The following OFD1 variants were observed in gnomAD, a reference collection of about 807,000 sequenced individuals.
OFD1 encodes the protein centriole and centriolar satellite protein OFD1.
Under a neutral mutation model 81.4 loss-of-function variants are expected in OFD1, and 12 were observed. That is an observed-to-expected ratio of 0.15 (90% CI 0.09 to 0.24). The LOEUF (loss-of-function observed/expected upper bound fraction) is 0.24. Among genes scored for constraint, OFD1 ranks in the 10% least tolerant of loss-of-function variants. The probability of loss-of-function intolerance (pLI) is 1.00; values close to 1 mark genes in which losing one functional copy is unlikely to be tolerated. For missense variants in OFD1, 685 were observed against 733.9 expected (o/e 0.93, Z 0.77); for synonymous variants, 256 against 263.7 (o/e 0.97, Z 0.28).
chrX:13,766,031 G>A (rs2048112642), intron 19 of OFD1, among the ~76,000 whole-genome samples: 1 of 112,014 alleles, frequency 8.9e-6, no homozygotes, highest in African/African-American at 3.2e-5. Context: ...TGAATGTCAA[G>A]CAAGGAAGAT....
Position 13,747,413 on chromosome X carries a change from A to C in OFD1, c.828+460A>C, listed in dbSNP as rs140641349. Among the ~76,000 whole-genome samples the C allele has an allele frequency of 6.1e-3, 679 of 111,624 alleles. 6 individuals carry two copies. The highest frequency in any genetic ancestry group is 0.021 in the African/African-American group (647 of 30,663). On this transcript the variant is annotated intron_variant, in intron 8 of 22. Transcript: ENST00000340096. Reference sequence around the variant, plus strand: ...TGCTTGTAAGTGAGTTTTCTGTTCTAGTTCTGGGGAGGATTTGTAAGTATC... The same window carrying C: ...TGCTTGTAAGTGAGTTTTCTGTTCTCGTTCTGGGGAGGATTTGTAAGTATC...
chrX:13,746,109 A>G (rs1200826881), intron 6 of OFD1, among the ~76,000 whole-genome samples: 2 of 112,430 alleles, frequency 1.8e-5, no homozygotes, highest in East Asian at 5.5e-4. Flanking sequence ...CACCACCTAG[A>G]TGTCACTATT....
At chrX:13,771,467 G>C (rs2048297679), downstream of OFD1, 1 of 111,298 alleles carries the variant, frequency 9.0e-6, no homozygotes, top group African/African-American at 3.3e-5. Context: ...TATACTTGAT[G>C]TTCAATTTTA....
At position 13,769,154 on chromosome X, in the gene OFD1, C is replaced by A. The variant is rs1280404969; in HGVS notation, c.*46C>A. 3.0e-6 allele frequency: 3 copies of A among 993,447 alleles called. No homozygotes were observed. Among genetic ancestry groups the A allele is most frequent in the East Asian group, 3.0e-5 (1 of 32,978 alleles). 81.9% of individuals were successfully genotyped at this position (993,447 alleles called of 1,213,427 possible). A position where few individuals can be genotyped will look rare whatever the true frequency, so the allele number is the denominator to read the frequency against. ...CTAACTTACATACCGTGAGAAGTTA[C>A]GTAACATTTACTCCTTTGTAAATGT... is the stretch of plus-strand genomic sequence containing the variant. On this transcript the variant is annotated 3_prime_UTR_variant, in exon 23 of 23. Coordinates refer to ENST00000340096, the MANE Select transcript of OFD1 (RefSeq NM_003611.3).
At chrX:13,734,122 C>T (rs1305472134), upstream of OFD1, 1 of 510,964 alleles carries the variant, frequency 2.0e-6, no homozygotes, top group African/African-American at 2.3e-5. Context: ...ATCTTGCTTC[C>T]AAGAGGACAT....
At chrX:13,734,392 G>A (rs770631515), upstream of OFD1, 942 of 286,614 alleles carry the variant, frequency 3.3e-3, 2 homozygotes, top group Non-Finnish European at 4.6e-3. Context: ...GCCAGCGGAG[G>A]GCTGGCAGGT....
At chrX:13,769,856 T>A (rs1329461587), downstream of OFD1, among the ~76,000 whole-genome samples, 1 of 111,844 alleles carries the variant, frequency 8.9e-6, no homozygotes, top group Non-Finnish European at 1.9e-5. Context: ...AACCTGCCAG[T>A]GCCTTCCTTG....
chrX:13,771,105 TG>T (rs1307438302), downstream of OFD1: 1 of 112,650 alleles, frequency 8.9e-6, no homozygotes, highest in African/African-American at 3.2e-5. Context: ...TAGAAAATAT[TG>T]ATTCACTGTT....
upstream of OFD1, chrX:13,734,199 G>C (rs2046752824): frequency 2.1e-6 from 1 of 475,945 alleles, no homozygotes; most frequent in East Asian, 3.7e-5. Context: ...ACAAAATAGA[G>C]AGCAAGGATA....
At chrX:13,758,498 G>T (rs747211782) in intron 15 of OFD1, 50 bp downstream of exon 15, 12 of 686,598 alleles carry the variant, frequency 1.7e-5, no homozygotes, top group Non-Finnish European at 2.6e-5. Context: ...AAAGCTTCTG[G>T]TGTCTGTGAA....
At chrX:13,738,802 C>T (rs769243284) in intron 3 of OFD1, 44 bp from the exon 4 acceptor site, 9 of 750,609 alleles carry the variant, frequency 1.2e-5, no homozygotes, top group Non-Finnish European at 1.9e-5. Flanking sequence ...CATTTAAACA[C>T]TGATATAAAA....
Position 13,757,633 on chromosome X carries a change from A to ATT in OFD1, c.1412-12_1412-11dup, listed in dbSNP as rs36052228. The ATT allele has an allele frequency of 1.3e-4, 142 of 1,113,179 alleles. No homozygotes were observed. In the African/African-American group the frequency reaches 1.5e-3, roughly 12 times the overall value. The allele number at this position is 1,113,179 out of a possible 1,213,427, so 91.7% of individuals were successfully genotyped here. ...AAACTTAAGGTTGGTAATGACTAGG[A>ATT]TTTTTTTTTTTTTTTTACCTTCTTA... On this transcript the variant is annotated intron_variant, in intron 13 of 22. Coordinates refer to ENST00000340096, the MANE Select transcript of OFD1 (RefSeq NM_003611.3).
intron 7 of OFD1, 135 bp from the exon 8 acceptor site, chrX:13,746,645 A>ATTCACTCAAC: frequency 1.5e-6 from 1 of 673,066 alleles, no homozygotes. Flanking sequence ...AAATAGAGTG[A>ATTCACTCAAC]ATGAGATAAA....
At chrX:13,716,385 AAAAAG>A in the OFD1 span, 4 of 751,433 alleles carry the variant, frequency 5.3e-6, no homozygotes, top group South Asian at 1.1e-4. Context: ...TCCCCCCTAA[AAAAAG>A]AAAAGTAGCC....
the OFD1 span, among the ~76,000 whole-genome samples, chrX:13,725,388 A>G: frequency 8.9e-6 from 1 of 111,991 alleles, no homozygotes; most frequent in African/African-American, 3.2e-5. Flanking sequence ...CCCCTCTGGG[A>G]TGAAGCTTCC....
chrX:13,742,681 G>A (rs998657760), intron 5 of OFD1, among the ~76,000 whole-genome samples: 8 of 110,543 alleles, frequency 7.2e-5, no homozygotes, highest in African/African-American at 2.3e-4. Flanking sequence ...CTGCCACCAC[G>A]CCTGGCTAAT....
At chrX:13,752,997 G>A in intron 10 of OFD1, 1 of 898,036 alleles carries the variant, frequency 1.1e-6, no homozygotes, top group South Asian at 2.6e-5. Context: ...GATTGGAAGT[G>A]ACCGTCTGAT....
intron 5 of OFD1, among the ~76,000 whole-genome samples, chrX:13,741,457 A>G (rs975765342): frequency 1.8e-5 from 2 of 111,731 alleles, no homozygotes; most frequent in Non-Finnish European, 3.8e-5. Flanking sequence ...TTATCCTACC[A>G]TATCTATGCT....
In OFD1 at chrX:13,734,807, C is replaced by T. The variant is rs1004260106; in HGVS notation, c.-265C>T. 8 of 1,074,512 alleles carry T rather than the reference C, an allele frequency of 7.4e-6. No homozygotes were observed. Among genetic ancestry groups the T allele is most frequent in the Non-Finnish European group, 8.4e-6 (7 of 835,314 alleles). The allele number at this position is 1,074,512 out of a possible 1,213,427, so 88.6% of individuals were successfully genotyped here. A position where few individuals can be genotyped will look rare whatever the true frequency, so the allele number is the denominator to read the frequency against. ...AGTCCCTAGTGTCTGGGTCCCCGCC[C>T]TCCAGCCGCCTTTGAGTCGTGCCTG... On this transcript the variant is annotated 5_prime_UTR_variant, in exon 1 of 23. Coordinates refer to ENST00000340096, the MANE Select transcript of OFD1 (RefSeq NM_003611.3).
Sources: allele counts gnomAD v4.1 joint callset (sites outside exome capture counted in the v4.1 genomes callset), GRCh38; gene constraint gnomAD v4.1.1; transcripts MANE v1.5; gene names NCBI Gene and HGNC (gene_info 2026-07-23, HGNC 2026-07-21).